TAF4B: variants seen among roughly 807,000 people sequenced by gnomAD.
TAF4B encodes the protein TATA-box binding protein associated factor 4b.
In TAF4B, 38 loss-of-function variants were observed where a neutral mutation model predicts 86.4. That is an observed-to-expected ratio of 0.44 (90% confidence interval 0.34 to 0.58). The LOEUF is 0.58. TAF4B is among the 20% of genes least tolerant of loss of function. The pLI, the probability that TAF4B is intolerant of heterozygous loss-of-function variation, is 0.02. For missense variants in TAF4B, 988 were observed against 1,027.6 expected (o/e 0.96, Z 0.53); for synonymous variants, 388 against 391.2 (o/e 0.99, Z 0.10).
intron 12 of TAF4B, among the ~76,000 whole-genome samples, chr18:26,327,813 C>T (rs1021704241): frequency 2.0e-4 from 30 of 152,292 alleles, no homozygotes; most frequent in African/African-American, 4.8e-4. Flanking sequence ...CTTGGAACTC[C>T]GACCTTGGGT....
Position 26,226,928 on chromosome 18 carries a change from T to A in TAF4B, c.-6T>A. 1 of 1,370,456 alleles carries A rather than the reference T, an allele frequency of 7.3e-7. No individual in the cohort carries two copies. Among genetic ancestry groups the A allele is most frequent in the Middle Eastern group, 2.7e-4 (1 of 3,720 alleles). The allele number at this position is 1,370,456 out of a possible 1,614,324, so 84.9% of individuals were successfully genotyped here. On this transcript the variant is annotated 5_prime_UTR_variant, in exon 1 of 15. Transcript: ENST00000269142. ...AGCGCCAAAGCTGCCGCTGAGCCCC[T>A]GGGGGATGCCCGCCGGCCTCACCGA...
At chr18:26,285,224 T>TTTTTTTTTTTTGTTTTTTTTTTTTTTG (rs2056503353) in intron 6 of TAF4B, among the ~76,000 whole-genome samples, 1 of 122,806 alleles carries the variant, frequency 8.1e-6, no homozygotes, top group Non-Finnish European at 1.8e-5. Context: ...TTTTTTTTGT[T>TTTTTTTTTTTTGTTTTTTTTTTTTTTG]TTTTTTTTTT....
At chr18:26,262,836 C>T (rs79983468) in intron 1 of TAF4B, among the ~76,000 whole-genome samples, 310 of 152,222 alleles carry the variant, frequency 2.0e-3, no homozygotes, top group South Asian at 6.2e-3. Flanking sequence ...CCAGTTATGC[C>T]TATTTTACTG....
At chr18:26,358,566 C>T (rs554655101) in intron 14 of TAF4B, among the ~76,000 whole-genome samples, 27 of 152,190 alleles carry the variant, frequency 1.8e-4, no homozygotes, top group Admixed American at 1.1e-3. Flanking sequence ...AAAAATTAGC[C>T]GAACGTGGTG....
intron 5 of TAF4B, among the ~76,000 whole-genome samples, chr18:26,279,937 A>G (rs2056427226): frequency 6.6e-6 from 1 of 151,924 alleles, no homozygotes; most frequent in South Asian, 2.1e-4. Context: ...CCAGCTACTC[A>G]GGAGGCCGAG....
At chr18:26,380,126 A>G (rs1024735885) in intron 14 of TAF4B, among the ~76,000 whole-genome samples, 1 of 151,956 alleles carries the variant, frequency 6.6e-6, no homozygotes, top group African/African-American at 2.4e-5. Context: ...TTCCTTTCCA[A>G]TCTTTATGCT....
At chr18:26,267,302 T>A in intron 2 of TAF4B, 1 of 392,678 alleles carries the variant, frequency 2.5e-6, no homozygotes, top group Non-Finnish European at 4.5e-6. Context: ...ATTTATTGAA[T>A]CAGTTGCCAC....
intron 1 of TAF4B, among the ~76,000 whole-genome samples, chr18:26,231,448 G>A (rs1454177964): frequency 6.7e-6 from 1 of 150,290 alleles, no homozygotes; most frequent in Non-Finnish European, 1.5e-5. Flanking sequence ...TGCCTCCTGG[G>A]TTCAAGCAAT....
At position 26,375,665 on chromosome 18, in the gene TAF4B, G is replaced by C. The variant is rs532834890; in HGVS notation, c.2422-14180G>C. ...CATTTTCCTGAAGACTAATGATGTTGAGCATCTTTTCATGTGCTTGTAGAC... is the reference window on the plus strand; with the variant it reads ...CATTTTCCTGAAGACTAATGATGTTCAGCATCTTTTCATGTGCTTGTAGAC... On this transcript the variant is annotated intron_variant, in intron 14 of 14. Transcript: ENST00000269142. 3.3e-5 allele frequency among the ~76,000 whole-genome samples: 5 copies of C among 152,256 alleles called. No homozygotes were observed. In the South Asian group the frequency reaches 1.0e-3, roughly 32 times the overall value.
chr18:26,347,891 C>T (rs975323229), intron 13 of TAF4B, among the ~76,000 whole-genome samples: 2 of 152,020 alleles, frequency 1.3e-5, no homozygotes, highest in Non-Finnish European at 2.9e-5. Context: ...ATATGTGTAC[C>T]CAACACTGGA....
At chr18:26,351,625 A>G (rs1401590740) in intron 13 of TAF4B, among the ~76,000 whole-genome samples, 1 of 152,336 alleles carries the variant, frequency 6.6e-6, no homozygotes, top group Non-Finnish European at 1.5e-5. Context: ...GTACAATTAT[A>G]TGTCAGACTT....
intron 12 of TAF4B, among the ~76,000 whole-genome samples, chr18:26,330,241 A>G (rs1157688909): frequency 1.3e-5 from 2 of 152,126 alleles, no homozygotes; most frequent in Non-Finnish European, 2.9e-5. Context: ...TTCTTTATTC[A>G]TATTAGTATG....
intron 14 of TAF4B, among the ~76,000 whole-genome samples, chr18:26,358,665 G>A (rs944816500): frequency 3.9e-5 from 6 of 152,140 alleles, no homozygotes; most frequent in Admixed American, 2.0e-4. Flanking sequence ...TGCCAAGATC[G>A]CGCCACTGCA....
chr18:26,388,414 T>C (rs918134336), intron 14 of TAF4B, among the ~76,000 whole-genome samples: 24 of 152,246 alleles, frequency 1.6e-4, no homozygotes, highest in African/African-American at 5.8e-4. Context: ...GGATAACCTG[T>C]GTTGTTCTGT....
intron 14 of TAF4B, among the ~76,000 whole-genome samples, chr18:26,370,642 C>T (rs991002894): frequency 1.3e-5 from 2 of 152,076 alleles, no homozygotes; most frequent in Non-Finnish European, 2.9e-5. Flanking sequence ...GAATGAGGTA[C>T]GAAGCACCTG....
intron 9 of TAF4B, among the ~76,000 whole-genome samples, chr18:26,312,955 A>G (rs1329955288): frequency 6.6e-6 from 1 of 152,232 alleles, no homozygotes; most frequent in Non-Finnish European, 1.5e-5. Context: ...AACATTCAAA[A>G]GATAGAAAAG....
At chr18:26,367,727 T>G (rs2057381096) in intron 14 of TAF4B, among the ~76,000 whole-genome samples, 1 of 152,216 alleles carries the variant, frequency 6.6e-6, no homozygotes, top group Non-Finnish European at 1.5e-5. Flanking sequence ...TATCCACTGA[T>G]AGACATTTAG....
chr18:26,228,496 T>G (rs2055613211), intron 1 of TAF4B, among the ~76,000 whole-genome samples: 1 of 152,046 alleles, frequency 6.6e-6, no homozygotes, highest in Non-Finnish European at 1.5e-5. Flanking sequence ...CAGTTCTAAA[T>G]TGTTATTCTG....
intron 10 of TAF4B, among the ~76,000 whole-genome samples, chr18:26,317,919 C>T (rs1250249664): frequency 2.0e-5 from 3 of 152,194 alleles, no homozygotes; most frequent in Non-Finnish European, 4.4e-5. Context: ...GCAACTGTAT[C>T]CCCGTAAAAC....
Sources: gnomAD v4.1 joint callset for allele counts (sites outside exome capture counted in the v4.1 genomes callset) on GRCh38, gnomAD v4.1.1 for gene constraint, MANE v1.5 for transcripts, NCBI Gene and HGNC (gene_info 2026-07-23, HGNC 2026-07-21) for gene names.